The following CEP72 variants were observed in gnomAD, a reference collection of about 807,000 sequenced individuals.
CEP72 encodes centrosomal protein of 72 kDa.
CEP72 carries 78 observed loss-of-function variants against 65.7 expected under a neutral mutation model. The ratio of observed to expected loss-of-function variants is 1.19; its 90% CI spans 0.99 to 1.43. CEP72 has a LOEUF of 1.43. Ranked by LOEUF, CEP72 falls within the 40% of genes most tolerant of loss-of-function variation. The pLI is 0.00. For missense variants in CEP72, 914 were observed against 832.9 expected, an observed-to-expected ratio of 1.10 and a Z score of -1.20; for synonymous variants, 358 against 351.7, an observed-to-expected ratio of 1.02 and a Z score of -0.20.
At chr5:671,088 C>T (rs1740204496), downstream of CEP72, among the ~76,000 whole-genome samples, 1 of 152,240 alleles carries the variant, frequency 6.6e-6, no homozygotes, top group South Asian at 2.1e-4. Context: ...CCCACACAGC[C>T]GGTCGGGGGG....
intron 11 of CEP72, among the ~76,000 whole-genome samples, chr5:648,706 A>G: frequency 9.0e-6 from 1 of 111,682 alleles, no homozygotes; most frequent in Non-Finnish European, 1.7e-5. Context: ...CGTGAATGTG[A>G]GGCGTGACTG....
At position 635,702 on chromosome 5, in the gene CEP72, A is replaced by G. The variant is rs1315767976; in HGVS notation, c.904+118A>G. On this transcript the variant is annotated intron_variant, in intron 6 of 11. Coordinates refer to ENST00000264935, the MANE Select transcript of CEP72 (RefSeq NM_018140.4). Reference sequence around the variant, plus strand: ...GGTTCTGGAGGCTGGGAAGTCCAAGAGCACGGTGCCGGCACCTGGTGCTGG... The same window carrying G: ...GGTTCTGGAGGCTGGGAAGTCCAAGGGCACGGTGCCGGCACCTGGTGCTGG... The G allele has an allele frequency of 4.8e-6, 4 of 830,518 alleles. No individual in the cohort carries two copies. The East Asian group carries it at 1.0e-4, about 22-fold the overall frequency. 51.4% of individuals were successfully genotyped at this position (830,518 alleles called of 1,614,324 possible). A position where few individuals can be genotyped will look rare whatever the true frequency, so the allele number is the denominator to read the frequency against.
rs1365529383 is a variant in CEP72 at position 653,526 on chromosome 5, T to C, written c.*373T>C. On this transcript the variant is annotated 3_prime_UTR_variant, in exon 12 of 12. Transcript: ENST00000264935. ...TTTCTGTGTAACAAGCAATCTTTATTTAATAAACAAATACATTGTTCTGAA... is the reference window on the plus strand; with the variant it reads ...TTTCTGTGTAACAAGCAATCTTTATCTAATAAACAAATACATTGTTCTGAA... The C allele has an allele frequency of 1.3e-5, 2 of 151,284 alleles. No homozygotes were observed. Among genetic ancestry groups the C allele is most frequent in the African/African-American group, 2.6e-5 (1 of 38,292 alleles). 9.4% of individuals were successfully genotyped at this position (151,284 alleles called of 1,614,324 possible).
chr5:641,052 T>A (rs1261882940), intron 9 of CEP72: 1 of 985,348 alleles, frequency 1.0e-6, no homozygotes, highest in Non-Finnish European at 1.2e-6. Flanking sequence ...AACCTGCATT[T>A]ATCACCTTGG....
chr5:632,528 C>A (rs548515421), intron 4 of CEP72, among the ~76,000 whole-genome samples: 1 of 776 alleles, frequency 1.3e-3, no homozygotes, highest in African/African-American at 5.4e-3. Context: ...TTCTGTCCAG[C>A]GCCGGGATTT....
At chr5:613,519 C>T (rs1289654848) in intron 1 of CEP72, among the ~76,000 whole-genome samples, 6 of 152,238 alleles carry the variant, frequency 3.9e-5, no homozygotes, top group Non-Finnish European at 7.3e-5. Context: ...GCACGCGCCA[C>T]CATGCCCGGC....
the CEP72 span, among the ~76,000 whole-genome samples, chr5:674,259 C>G: frequency 6.6e-6 from 1 of 152,146 alleles, no homozygotes; most frequent in Non-Finnish European, 1.5e-5. Context: ...GTCCACACGC[C>G]CGAGCCTGCT....
chr5:626,990 C>T (rs1349120597), intron 4 of CEP72, among the ~76,000 whole-genome samples: 1 of 152,024 alleles, frequency 6.6e-6, no homozygotes, highest in Non-Finnish European at 1.5e-5. Context: ...TCTTATATTG[C>T]CTTTGTCTGG....
At chr5:637,960 A>G in intron 7 of CEP72, 142 bp downstream of exon 7, 3 of 837,916 alleles carry the variant, frequency 3.6e-6, no homozygotes, top group Non-Finnish European at 3.6e-6. Context: ...CGGTGCCGTG[A>G]TTACGCCTAC....
chr5:617,950 T>G (rs1303733714), intron 1 of CEP72, among the ~76,000 whole-genome samples: 1 of 152,246 alleles, frequency 6.6e-6, no homozygotes, highest in Non-Finnish European at 1.5e-5. Flanking sequence ...AAACTGCCTT[T>G]TTGATTACGG....
At chr5:672,969 A>T in the CEP72 span, among the ~76,000 whole-genome samples, 1 of 152,238 alleles carries the variant, frequency 6.6e-6, no homozygotes, top group Non-Finnish European at 1.5e-5. Flanking sequence ...AGCTGGCGCC[A>T]CGCCGGTGGA....
rs143685425 is a variant in CEP72 at position 625,061 on chromosome 5, G to T, written c.512+482G>T. On this transcript the variant is annotated intron_variant, in intron 4 of 11. Coordinates refer to ENST00000264935, the MANE Select transcript of CEP72 (RefSeq NM_018140.4). ...TGCGCCTTCCTGTCTCCCTCCCCAT[G>T]GCTGGTGCTGGTGAGGCCACCTTCG... Among the ~76,000 whole-genome samples the T allele has an allele frequency of 6.5e-4, 99 of 152,308 alleles. 1 individual carries two copies. The highest frequency in any genetic ancestry group is 2.3e-3 in the African/African-American group (96 of 41,562).
chr5:674,776 T>C, the CEP72 span, among the ~76,000 whole-genome samples: 1 of 151,514 alleles, frequency 6.6e-6, no homozygotes, highest in South Asian at 2.1e-4. Flanking sequence ...AGGCTGCAGG[T>C]TTCCAGCAGG....
At position 633,768 on chromosome 5, in the gene CEP72, G is replaced by GACCACACCACCCC; in HGVS notation, c.514_526dup (p.Arg176ThrfsTer23). On this transcript the variant is annotated frameshift_variant and splice_region_variant. Coordinates refer to ENST00000264935, the MANE Select transcript of CEP72 (RefSeq NM_018140.4). LOFTEE classifies it high-confidence loss of function. ...GCTGATGAGTTTGCTTTTCCTTACA[G>GACCACACCACCCC]ACCACACCACCCCAGAGCCAAGTGC... 2 of 1,613,936 alleles carry GACCACACCACCCC rather than the reference G, an allele frequency of 1.2e-6. No homozygotes were observed. Among genetic ancestry groups the GACCACACCACCCC allele is most frequent in the Non-Finnish European group, 1.7e-6 (2 of 1,179,976 alleles).
At chr5:651,951 C>T (rs1428713322) in intron 11 of CEP72, among the ~76,000 whole-genome samples, 1 of 152,178 alleles carries the variant, frequency 6.6e-6, no homozygotes, top group Non-Finnish European at 1.5e-5. Context: ...CCAGGCTCTG[C>T]CCCTTACAGG....
chr5:612,551 G>A, intron 1 of CEP72, 108 bp downstream of exon 1: 1 of 1,249,502 alleles, frequency 8.0e-7, no homozygotes, highest in South Asian at 2.9e-5. Context: ...GTCTACGCAG[G>A]CGCCGCGGGC....
chr5:642,761 C>A lies in CEP72; in HGVS notation c.1540-1538C>A, dbSNP rs918139531. On this transcript the variant is annotated intron_variant, in intron 9 of 11. Coordinates refer to ENST00000264935, the MANE Select transcript of CEP72 (RefSeq NM_018140.4). ...CCCGCGGGTAAGGAGCAGTCAGCACCGTCAGGAACCCCGCGGAGGGAGCAG... is the reference window on the plus strand; with the variant it reads ...CCCGCGGGTAAGGAGCAGTCAGCACAGTCAGGAACCCCGCGGAGGGAGCAG... 3 of 985,364 alleles carry A rather than the reference C, an allele frequency of 3.0e-6. No individual in the cohort carries two copies. In the African/African-American group the frequency reaches 5.2e-5, roughly 17 times the overall value. 61.0% of individuals were successfully genotyped at this position (985,364 alleles called of 1,614,324 possible).
At chr5:665,153 G>A (rs536748443) in intron 2 of CEP72, 77 of 1,613,324 alleles carry the variant, frequency 4.8e-5, no homozygotes, top group African/African-American at 3.2e-4. Context: ...GCTTGTAGCC[G>A]GACACATAGC....
intron 8 of CEP72, among the ~76,000 whole-genome samples, chr5:640,025 G>C (rs776304952): frequency 6.6e-6 from 1 of 152,196 alleles, no homozygotes; most frequent in Non-Finnish European, 1.5e-5. Context: ...CGTCGGTGGC[G>C]GGGGGACTGT....
Sources: gnomAD v4.1 joint callset for allele counts (sites outside exome capture counted in the v4.1 genomes callset) on GRCh38, gnomAD v4.1.1 for gene constraint, MANE v1.5 for transcripts, NCBI Gene and HGNC (gene_info 2026-07-23, HGNC 2026-07-21) for gene names.